SLC9A9: variants seen among roughly 807,000 people sequenced by gnomAD.
SLC9A9 encodes solute carrier family 9 member A9.
A neutral mutation model predicts 77.8 loss-of-function variants in SLC9A9; 62 were observed. That is an observed-to-expected ratio of 0.80 (90% CI 0.65 to 0.98). The LOEUF (loss-of-function observed/expected upper bound fraction) is 0.98, where lower values mean the gene tolerates loss of function less well. SLC9A9 is among the 50% of genes least tolerant of loss of function. The pLI is 0.00. For synonymous variants in SLC9A9, 320 were observed against 283.5 expected (o/e 1.13, Z -1.29); for missense variants, 775 against 774.9 (o/e 1.00, Z 0.00).
At chr3:143,742,400 C>T (rs1367360196) in intron 4 of SLC9A9, among the ~76,000 whole-genome samples, 1 of 152,148 alleles carries the variant, frequency 6.6e-6, no homozygotes, top group African/African-American at 2.4e-5. Flanking sequence ...ACTGCAATTC[C>T]CCTGTCTTGA....
chr3:143,491,681 G>T (rs1190304495), intron 11 of SLC9A9, among the ~76,000 whole-genome samples: 4 of 152,104 alleles, frequency 2.6e-5, no homozygotes, highest in African/African-American at 7.2e-5. Context: ...ATCAAGACAG[G>T]TGGCCATTTG....
chr3:143,840,778 C>T lies in SLC9A9; in HGVS notation c.175+7370G>A, dbSNP rs79446037. ...TCAAGAGCAGACTTGGATGAGAGAA[C>T]GACTGCAGCCAGAATTTGAGAGTGC... On this transcript the variant is annotated intron_variant, in intron 1 of 15. Transcript: ENST00000316549. Among the ~76,000 whole-genome samples, 217 of 152,026 alleles carry T rather than the reference C, an allele frequency of 1.4e-3. 2 individuals are homozygous for T. The highest frequency in any genetic ancestry group is 4.7e-3 in the African/African-American group (194 of 41,310).
intron 9 of SLC9A9, among the ~76,000 whole-genome samples, chr3:143,522,894 G>A (rs2036336595): frequency 6.6e-6 from 1 of 152,102 alleles, no homozygotes; most frequent in African/African-American, 2.4e-5. Context: ...AGAGAGAAAG[G>A]TTAATAGAAA....
At chr3:143,716,645 A>C (rs189908442) in intron 4 of SLC9A9, among the ~76,000 whole-genome samples, 1 of 152,268 alleles carries the variant, frequency 6.6e-6, no homozygotes, top group African/African-American at 2.4e-5. Flanking sequence ...AAAGTTAGGA[A>C]ATCAGTCCAG....
chr3:143,606,430 C>T (rs866999641), intron 6 of SLC9A9, among the ~76,000 whole-genome samples: 1 of 63,346 alleles, frequency 1.6e-5, no homozygotes, highest in Non-Finnish European at 3.1e-5. Flanking sequence ...CTCTCTCTCT[C>T]TCTCTCTATA....
chr3:143,655,493 C>A, intron 5 of SLC9A9: 1 of 985,394 alleles, frequency 1.0e-6, no homozygotes, highest in African/African-American at 1.7e-5. Context: ...CTTTAACTTA[C>A]TTTAGTTCCA....
chr3:143,762,196 T>TG (rs2007151640), intron 4 of SLC9A9, among the ~76,000 whole-genome samples: 1 of 151,732 alleles, frequency 6.6e-6, no homozygotes, highest in Non-Finnish European at 1.5e-5. Flanking sequence ...TGTCGTGGGG[T>TG]TGGGGGAGGG....
intron 1 of SLC9A9, among the ~76,000 whole-genome samples, chr3:143,841,115 G>A (rs1357903325): frequency 6.6e-6 from 1 of 152,120 alleles, no homozygotes; most frequent in Non-Finnish European, 1.5e-5. Context: ...GTACAGCCCT[G>A]TTGATTATCA....
At chr3:143,626,301 A>G (rs2038325503) in intron 6 of SLC9A9, among the ~76,000 whole-genome samples, 1 of 152,244 alleles carries the variant, frequency 6.6e-6, no homozygotes, top group Admixed American at 6.5e-5. Flanking sequence ...ATGCTGCTAT[A>G]AAGACACATG....
chr3:143,543,791 T>C (rs775577427), intron 9 of SLC9A9, among the ~76,000 whole-genome samples: 4 of 151,998 alleles, frequency 2.6e-5, no homozygotes, highest in Non-Finnish European at 5.9e-5. Flanking sequence ...CAGTCCACTG[T>C]TGATGGACAC....
intron 4 of SLC9A9, among the ~76,000 whole-genome samples, chr3:143,719,278 C>T: frequency 6.6e-6 from 1 of 152,186 alleles, no homozygotes; most frequent in Admixed American, 6.5e-5. Context: ...ACCTCCATTT[C>T]TACTGGGAAA....
intron 14 of SLC9A9, among the ~76,000 whole-genome samples, chr3:143,279,928 T>TC (rs1240221003): frequency 1.1e-4 from 17 of 152,042 alleles, no homozygotes; most frequent in African/African-American, 3.1e-4. Flanking sequence ...CAAGCAATCC[T>TC]CCCCCCTCAG....
intron 12 of SLC9A9, among the ~76,000 whole-genome samples, chr3:143,423,946 G>A (rs1232206983): frequency 6.6e-6 from 1 of 152,142 alleles, no homozygotes; most frequent in Non-Finnish European, 1.5e-5. Context: ...GAAACACCCA[G>A]AATAAGGGAT....
chr3:143,715,199 T>TC (rs1191776960), intron 4 of SLC9A9, among the ~76,000 whole-genome samples: 1 of 472 alleles, frequency 2.1e-3, no homozygotes, highest in East Asian at 0.25. Flanking sequence ...TTCTTTATTC[T>TC]TTTCTTTCAG....
chr3:143,639,390 C>T (rs1358937276), intron 6 of SLC9A9, among the ~76,000 whole-genome samples: 3 of 152,202 alleles, frequency 2.0e-5, no homozygotes, highest in Non-Finnish European at 4.4e-5. Flanking sequence ...CTAGCATGGG[C>T]ATTCATGCCT....
At chr3:143,745,394 C>T (rs988504510) in intron 4 of SLC9A9, among the ~76,000 whole-genome samples, 1 of 152,156 alleles carries the variant, frequency 6.6e-6, no homozygotes, top group Non-Finnish European at 1.5e-5. Flanking sequence ...ACAATTTTAT[C>T]TCTTGGGCTG....
At chr3:143,722,397 A>C (rs112122263) in intron 4 of SLC9A9, among the ~76,000 whole-genome samples, 2,640 of 134,870 alleles carry the variant, frequency 0.02, 71 homozygotes, top group African/African-American at 0.067. Flanking sequence ...GGCGTGAACC[A>C]GGGAGGCGGA....
intron 14 of SLC9A9, among the ~76,000 whole-genome samples, chr3:143,346,199 A>G (rs748944922): frequency 1.3e-5 from 2 of 152,182 alleles, no homozygotes; most frequent in African/African-American, 4.8e-5. Flanking sequence ...TAAAAAACCT[A>G]TGGAAAAAAT....
rs564757050 is a variant in SLC9A9, at chr3:143,402,555, C to T, written c.1470-20441G>A. ...CCTGGGACCTTGTTGTTGAGTGCAT[C>T]TATGTTTATAATGGTTATATATTCC... On this transcript the variant is annotated intron_variant, in intron 12 of 15. Transcript: ENST00000316549. Among the ~76,000 whole-genome samples, 3 of 147,676 alleles carry T rather than the reference C, an allele frequency of 2.0e-5. No homozygotes were observed. In the Admixed American group the frequency reaches 2.1e-4, roughly 10 times the overall value.
Sources: allele counts gnomAD v4.1 joint callset (sites outside exome capture counted in the v4.1 genomes callset), GRCh38; gene constraint gnomAD v4.1.1; transcripts MANE v1.5; gene names NCBI Gene and HGNC (gene_info 2026-07-23, HGNC 2026-07-21).